Variants in PLD6 observed in about 807,000 individuals in gnomAD.
The protein encoded by PLD6 is phospholipase D family member 6.
In PLD6, 10 loss-of-function variants were observed where a neutral mutation model predicts 9.7. That is an observed-to-expected ratio of 1.03 (90% CI 0.64 to 1.75). The LOEUF (loss-of-function observed/expected upper bound fraction) is 1.75. Among genes scored for constraint, PLD6 ranks in the 40% most tolerant of loss-of-function variants. The probability of loss-of-function intolerance (pLI) is 0.00; values close to 1 mark genes in which losing one functional copy is unlikely to be tolerated. For synonymous variants in PLD6, 152 were observed against 159.2 expected (o/e 0.96, Z 0.34); for missense variants, 334 against 347.6 (o/e 0.96, Z 0.31).
rs1347634270 is a variant in PLD6 at position 17,201,016 on chromosome 17, A to C, written c.*1751T>G. 6.6e-6 allele frequency: 1 copy of C among 152,234 alleles called. No individual in the cohort carries two copies. The highest frequency in any genetic ancestry group is 1.5e-5 in the Non-Finnish European group (1 of 68,044). The allele number at this position is 152,234 out of a possible 1,614,324, so 9.4% of individuals were successfully genotyped here. A position where few individuals can be genotyped will look rare whatever the true frequency, so the allele number is the denominator to read the frequency against. ...CACATTCCAGAATAAGAACATGTTTATTCAGATGTGCCAGAAGTCCAGGGT... is the reference window on the plus strand; with the variant it reads ...CACATTCCAGAATAAGAACATGTTTCTTCAGATGTGCCAGAAGTCCAGGGT... On this transcript the variant is annotated 3_prime_UTR_variant, in exon 2 of 2. Transcript: ENST00000321560.
At chr17:17,203,581 G>T (rs1424444476) in intron 1 of PLD6, among the ~76,000 whole-genome samples, 1 of 90,082 alleles carries the variant, frequency 1.1e-5, no homozygotes, top group East Asian at 7.3e-4. Context: ...GGCAGGAAGG[G>T]CCCTAACTAA....
chr17:17,206,057 T>C lies in PLD6; in HGVS notation c.230A>G (p.Glu77Gly). 1 of 1,526,310 alleles carries C rather than the reference T, an allele frequency of 6.6e-7. No individual in the cohort carries two copies. Among genetic ancestry groups the C allele is most frequent in the African/African-American group, 1.4e-5 (1 of 71,056 alleles). The allele number at this position is 1,526,310 out of a possible 1,614,324, so 94.5% of individuals were successfully genotyped here. A position where few individuals can be genotyped will look rare whatever the true frequency, so the allele number is the denominator to read the frequency against. The change falls in exon 1 of 2, where the codon GAG becomes GGG. Residue 77 changes from glutamate (E) to glycine (G), a missense_variant. Transcript: ENST00000321560. ...ACGCAGCAGGCGGCTTAGCGCGCTC[T>C]CGCCGTGGGGCAGGCCGCACGGGCA... ...EGCPCGLPHG[E>G]SALSRLLRAL...
chr17:17,206,266 C>T lies in PLD6; in HGVS notation c.21G>A (p.Gln7=). 2.6e-6 allele frequency: 4 copies of T among 1,544,786 alleles called. No individual in the cohort carries two copies. The highest frequency in any genetic ancestry group is 1.9e-5 in the Admixed American group (1 of 53,944). ...GGCCCACAGCCGCCGCGGCCGCCAC[C>T]TGCCAACTCAACCGTCCCATGCCGC... The part of the protein sequence containing the change: MGRLSW[Q]VAAAAAVGLA... The change falls in exon 1 of 2, where the codon CAG becomes CAA. Residue 7 remains glutamine, a synonymous_variant. Transcript: ENST00000321560.
intron 1 of PLD6, among the ~76,000 whole-genome samples, chr17:17,203,618 C>T (rs1403485024): frequency 1.3e-5 from 2 of 152,152 alleles, no homozygotes; most frequent in South Asian, 2.1e-4. Context: ...TCTCCTCTTC[C>T]GCACCCCCCT....
Position 17,206,292 on chromosome 17 carries a change from C to G in PLD6, c.-6G>C. The stretch of plus-strand genomic sequence containing the variant: ...TGCCAACTCAACCGTCCCATGCCGC[C>G]GCTAATCCGGGACCCACAGCCACGC... On this transcript the variant is annotated 5_prime_UTR_variant, in exon 1 of 2. Coordinates refer to ENST00000321560, the MANE Select transcript of PLD6 (RefSeq NM_178836.4). 3 of 1,526,378 alleles carry G rather than the reference C, an allele frequency of 2.0e-6. No individual in the cohort carries two copies. The highest frequency in any genetic ancestry group is 2.6e-6 in the Non-Finnish European group (3 of 1,148,198). 94.6% of individuals were successfully genotyped at this position (1,526,378 alleles called of 1,614,324 possible).
chr17:17,203,015 A>G lies in PLD6; in HGVS notation c.511T>C (p.Ser171Pro). 1.9e-6 allele frequency: 3 copies of G among 1,614,162 alleles called. No homozygotes were observed. The East Asian group carries it at 6.7e-5, about 36-fold the overall frequency. ...ATGGCTTGCGTGGTCCAGTTGAGCG[A>G]GCCAGTGATGAGCACCCTCTTGTCC... Reference protein sequence around the residue: ...IVDKRVLITGSLNWTTQAIQN... With the variant: ...IVDKRVLITGPLNWTTQAIQN... The change falls in exon 2 of 2, where the codon TCG (serine) becomes CCG (proline). Residue 171 changes from serine (S) to proline (P), a missense_variant. Transcript: ENST00000321560.
chr17:17,202,449 G>T lies in PLD6; in HGVS notation c.*318C>A, dbSNP rs985304275. On this transcript the variant is annotated 3_prime_UTR_variant, in exon 2 of 2. Transcript: ENST00000321560. ...CTTTTCTAGAATCAGGGAAGGGAAT[G>T]GGATCGACCTGGAAGAGGCACTGTG... 1 of 305,114 alleles carries T rather than the reference G, an allele frequency of 3.3e-6. No individual in the cohort carries two copies. The highest frequency in any genetic ancestry group is 7.0e-5 in the East Asian group (1 of 14,200). The allele number at this position is 305,114 out of a possible 1,614,324, so 18.9% of individuals were successfully genotyped here. A position where few individuals can be genotyped will look rare whatever the true frequency, so the allele number is the denominator to read the frequency against.
In PLD6 at chr17:17,206,129, G is replaced by A. The variant is rs1440672809; in HGVS notation, c.158C>T (p.Ala53Val). ...FFPSQVTCTE[A>V]LLRAPGAELA... ...CTCCGCGCCCGGAGCCCGCAGCAGGGCCTCGGTACAGGTCACCTGAGACGG... is the reference window on the plus strand; with the variant it reads ...CTCCGCGCCCGGAGCCCGCAGCAGGACCTCGGTACAGGTCACCTGAGACGG... The change falls in exon 1 of 2, where the codon GCC becomes GTC. Residue 53 changes from alanine (A) to valine (V), a missense_variant. Physicochemically the swap from Ala to Val is moderately conservative, Grantham distance 64. Coordinates refer to ENST00000321560, the MANE Select transcript of PLD6 (RefSeq NM_178836.4). The A allele has an allele frequency of 1.3e-6, 2 of 1,492,950 alleles. No individual in the cohort carries two copies. The highest frequency in any genetic ancestry group is 1.8e-6 in the Non-Finnish European group (2 of 1,129,666). 92.5% of individuals were successfully genotyped at this position (1,492,950 alleles called of 1,614,324 possible).
At position 17,206,308 on chromosome 17, in the gene PLD6, A is replaced by G; in HGVS notation, c.-22T>C. On this transcript the variant is annotated 5_prime_UTR_variant, in exon 1 of 2. Transcript: ENST00000321560. The stretch of plus-strand genomic sequence containing the variant: ...CCATGCCGCCGCTAATCCGGGACCC[A>G]CAGCCACGCCGCCGCAGCGGAGTCT... 6.6e-7 allele frequency: 1 copy of G among 1,508,096 alleles called. No individual in the cohort carries two copies. The highest frequency in any genetic ancestry group is 8.8e-7 in the Non-Finnish European group (1 of 1,139,732). The allele number at this position is 1,508,096 out of a possible 1,614,324, so 93.4% of individuals were successfully genotyped here.
chr17:17,202,735 AG>A lies in PLD6; in HGVS notation c.*31del. The stretch of plus-strand genomic sequence containing the variant: ...GTCTCCCTCCCTCAGAACGCACAGC[AG>A]CCCGCAGGGAGGGCTCAGCCCCATT... On this transcript the variant is annotated 3_prime_UTR_variant, in exon 2 of 2. Transcript: ENST00000321560. 6.3e-7 allele frequency: 1 copy of A among 1,587,578 alleles called. No individual in the cohort carries two copies. The highest frequency in any genetic ancestry group is 8.6e-7 in the Non-Finnish European group (1 of 1,162,590).
intron 1 of PLD6, among the ~76,000 whole-genome samples, chr17:17,203,518 G>T (rs549493032): frequency 1.5e-4 from 23 of 152,352 alleles, no homozygotes; most frequent in African/African-American, 5.1e-4. Flanking sequence ...GCCCAGAGAG[G>T]CCCCGGCGTC....
rs1240081434 is a variant in PLD6, at chr17:17,206,030, G to GCA, written c.255_256dup (p.Ala86ValfsTer174). Reference sequence around the variant, plus strand: ...CAGGCTGGCGCGGGCGGCCAGCAGGGCACGCAGCAGGCGGCTTAGCGCGCT... The same window carrying GCA: ...CAGGCTGGCGCGGGCGGCCAGCAGGGCACACGCAGCAGGCGGCTTAGCGCGCT... On this transcript the variant is annotated frameshift_variant, in exon 1 of 2. Transcript: ENST00000321560. LOFTEE classifies it high-confidence loss of function. The GCA allele has an allele frequency of 6.5e-7, 1 of 1,539,518 alleles. No individual in the cohort carries two copies. Among genetic ancestry groups the GCA allele is most frequent in the South Asian group, 1.2e-5 (1 of 84,030 alleles).
Position 17,203,095 on chromosome 17 carries a change from A to G in PLD6, c.431T>C (p.Ile144Thr), listed in dbSNP as rs765522425. The G allele has an allele frequency of 6.2e-7, 1 of 1,612,800 alleles. No homozygotes were observed. The highest frequency in any genetic ancestry group is 8.5e-7 in the Non-Finnish European group (1 of 1,178,890). ...SQIGLLRKAGIQVRHDQDPGY... is the reference protein window; with the variant it reads ...SQIGLLRKAGTQVRHDQDPGY... ...TGGGTCTTGATCGTGCCGGACCTGGATCCCTGCAGAAAGGACAAGGTGATT... is the reference window on the plus strand; with the variant it reads ...TGGGTCTTGATCGTGCCGGACCTGGGTCCCTGCAGAAAGGACAAGGTGATT... The change falls in exon 2 of 2, where the codon ATC becomes ACC. Residue 144 changes from isoleucine to threonine, a missense_variant. Transcript: ENST00000321560.
In PLD6 at chr17:17,203,089, A is replaced by G; in HGVS notation, c.437T>C (p.Val146Ala). 1 of 1,613,130 alleles carries G rather than the reference A, an allele frequency of 6.2e-7. No homozygotes were observed. Among genetic ancestry groups the G allele is most frequent in the Non-Finnish European group, 8.5e-7 (1 of 1,179,138 alleles). ...IGLLRKAGIQ[V>A]RHDQDPGYMH... ...GTAGCCTGGGTCTTGATCGTGCCGGACCTGGATCCCTGCAGAAAGGACAAG... is the reference window on the plus strand; with the variant it reads ...GTAGCCTGGGTCTTGATCGTGCCGGGCCTGGATCCCTGCAGAAAGGACAAG... Residue 146 changes from valine (V) to alanine (A), a missense_variant, in exon 2 of 2, where the codon GTC becomes GCC. Physicochemically the swap from Val to Ala is moderately conservative, Grantham distance 64 (BLOSUM62 0). Transcript: ENST00000321560.
intron 1 of PLD6, among the ~76,000 whole-genome samples, chr17:17,205,436 C>G (rs2046709173): frequency 6.6e-6 from 1 of 152,216 alleles, no homozygotes; most frequent in Non-Finnish European, 1.5e-5. Context: ...CCCCTGCCAC[C>G]AGGATCCAGG....
At position 17,206,247 on chromosome 17, in the gene PLD6, C is replaced by T; in HGVS notation, c.40G>A (p.Val14Met). ...LSWQVAAAAA[V>M]GLALTLEALP... ...GCCTCCAGAGTCAGAGCCAGGCCCA[C>T]AGCCGCCGCGGCCGCCACCTGCCAA... The change falls in exon 1 of 2, where the codon GTG (valine) becomes ATG (methionine). Residue 14 changes from valine to methionine, a missense_variant. Transcript: ENST00000321560. 1 of 1,545,420 alleles carries T rather than the reference C, an allele frequency of 6.5e-7. No individual in the cohort carries two copies. Among genetic ancestry groups the T allele is most frequent in the Non-Finnish European group, 8.6e-7 (1 of 1,157,238 alleles).
intron 1 of PLD6, 53 bp from the exon 2 acceptor site, chr17:17,203,151 TG>T (rs1025025098): frequency 7.8e-6 from 12 of 1,544,710 alleles, no homozygotes; most frequent in Non-Finnish European, 1.1e-5. Context: ...GCCCCCAGTG[TG>T]GACTGTTCCT....
At chr17:17,203,152 G>A in intron 1 of PLD6, 54 bp from the exon 2 acceptor site, 1 of 1,542,892 alleles carries the variant, frequency 6.5e-7, no homozygotes, top group Non-Finnish European at 8.8e-7. Flanking sequence ...CCCCCAGTGT[G>A]GACTGTTCCT....
Position 17,206,208 on chromosome 17 carries a change from G to A in PLD6, c.79C>T (p.Leu27=). Residue 27 remains leucine (L), a synonymous_variant, in exon 1 of 2, where the codon CTG becomes TTG. Coordinates refer to ENST00000321560, the MANE Select transcript of PLD6 (RefSeq NM_178836.4). Reference sequence around the variant, plus strand: ...CGCCGCCTGGACCGCAGCCAGCGCAGCACCCAAGGCAGCGCCTCCAGAGTC... The same window carrying A: ...CGCCGCCTGGACCGCAGCCAGCGCAACACCCAAGGCAGCGCCTCCAGAGTC... ...ALTLEALPWV[L]RWLRSRRRRP... is the part of the protein sequence containing the mutation. The A allele has an allele frequency of 6.5e-7, 1 of 1,532,264 alleles. No individual in the cohort carries two copies. Among genetic ancestry groups the A allele is most frequent in the Non-Finnish European group, 8.7e-7 (1 of 1,149,364 alleles). The allele number at this position is 1,532,264 out of a possible 1,614,324, so 94.9% of individuals were successfully genotyped here. A position where few individuals can be genotyped will look rare whatever the true frequency, so the allele number is the denominator to read the frequency against.
Sources: gnomAD v4.1 joint callset for allele counts (sites outside exome capture counted in the v4.1 genomes callset) on GRCh38, gnomAD v4.1.1 for gene constraint, MANE v1.5 for transcripts, NCBI Gene and HGNC (gene_info 2026-07-23, HGNC 2026-07-21) for gene names.